The following DNM3 variants were observed in gnomAD, a reference collection of about 807,000 sequenced individuals.
DNM3 encodes dynamin-3.
In DNM3, 47 loss-of-function variants were observed where a neutral mutation model predicts 101.6. The observed-to-expected ratio is 0.46, with a 90% CI of 0.37 to 0.59. The LOEUF (loss-of-function observed/expected upper bound fraction) is 0.59, where lower values mean the gene tolerates loss of function less well. Among genes scored for constraint, DNM3 ranks in the 20% least tolerant of loss-of-function variants. The probability of loss-of-function intolerance (pLI) is 0.00; values close to 1 mark genes in which losing one functional copy is unlikely to be tolerated. For missense variants in DNM3, 849 were observed against 1,085.7 expected (o/e 0.78, Z 3.06); for synonymous variants, 385 against 387.9 (o/e 0.99, Z 0.09).
chr1:171,856,376 A>G (rs1436774121), intron 1 of DNM3, among the ~76,000 whole-genome samples: 1 of 152,114 alleles, frequency 6.6e-6, no homozygotes, highest in Admixed American at 6.6e-5. Flanking sequence ...GTTCCATTTG[A>G]ATTTTAAAAT....
intron 17 of DNM3, among the ~76,000 whole-genome samples, chr1:172,369,620 A>G (rs2068215636): frequency 6.6e-6 from 1 of 151,918 alleles, no homozygotes; most frequent in Non-Finnish European, 1.5e-5. Flanking sequence ...TCTAGCCAGT[A>G]CTATTTGGCA....
intron 14 of DNM3, among the ~76,000 whole-genome samples, chr1:172,228,570 T>C (rs763267718): frequency 1.3e-5 from 2 of 152,166 alleles, no homozygotes; most frequent in African/African-American, 2.4e-5. Context: ...TATTTGCAAC[T>C]GCCTGTTCTT....
At chr1:172,179,468 T>C (rs2059269568) in intron 14 of DNM3, among the ~76,000 whole-genome samples, 1 of 151,980 alleles carries the variant, frequency 6.6e-6, no homozygotes, top group Non-Finnish European at 1.5e-5. Context: ...GAAGTATTAT[T>C]CTACTAAAAT....
chr1:172,380,068 A>G (rs2068813762), intron 18 of DNM3, among the ~76,000 whole-genome samples: 2 of 152,088 alleles, frequency 1.3e-5, no homozygotes, highest in South Asian at 4.1e-4. Context: ...TTAGATGGCA[A>G]AGTACTAAAA....
At chr1:172,027,483 A>G (rs1185360114) in intron 4 of DNM3, among the ~76,000 whole-genome samples, 1 of 152,070 alleles carries the variant, frequency 6.6e-6, no homozygotes, top group African/African-American at 2.4e-5. Flanking sequence ...CAGGAGGCTC[A>G]GGCAGGAGAA....
chr1:172,261,480 A>G (rs2062644220), intron 15 of DNM3, among the ~76,000 whole-genome samples: 1 of 152,244 alleles, frequency 6.6e-6, no homozygotes, highest in Non-Finnish European at 1.5e-5. Flanking sequence ...CTATAACACT[A>G]GGTGGGCTAG....
rs548346481 is a variant in DNM3, at chr1:172,100,643, A to AT, written c.1545+7774dup. 1.6e-4 allele frequency among the ~76,000 whole-genome samples: 25 copies of AT among 152,150 alleles called. No individual in the cohort carries two copies. In the East Asian group the frequency reaches 3.5e-3, roughly 21 times the overall value. ...GGTACCGATATCTCTATCAGTTAGGATTTTTTCAGATGTAAATTTCAGAAA... is the reference window on the plus strand; with the variant it reads ...GGTACCGATATCTCTATCAGTTAGGATTTTTTTCAGATGTAAATTTCAGAAA... On this transcript the variant is annotated intron_variant, in intron 13 of 20. Transcript: ENST00000627582.
chr1:171,982,405 A>C (rs1457077436), intron 2 of DNM3, among the ~76,000 whole-genome samples: 4 of 152,208 alleles, frequency 2.6e-5, no homozygotes, highest in Non-Finnish European at 5.9e-5. Flanking sequence ...AAGACAGATT[A>C]CAGGTAGCCC....
intron 11 of DNM3, 46 bp downstream of exon 11, chr1:172,068,951 G>A (rs755903529): frequency 2.8e-5 from 43 of 1,517,756 alleles, no homozygotes; most frequent in East Asian, 2.5e-5. Context: ...GTGGGAGGTC[G>A]AAGGTCTCTG....
intron 2 of DNM3, among the ~76,000 whole-genome samples, chr1:171,931,113 C>T (rs974636741): frequency 1.3e-5 from 2 of 152,010 alleles, no homozygotes; most frequent in African/African-American, 4.8e-5. Flanking sequence ...AAATGAAAAA[C>T]TTATGCTATG....
intron 17 of DNM3, among the ~76,000 whole-genome samples, chr1:172,346,882 T>A (rs1014141231): frequency 1.6e-4 from 24 of 152,052 alleles, no homozygotes; most frequent in Non-Finnish European, 2.9e-4. Context: ...CATTCCAAGT[T>A]CCAAAGACTC....
chr1:172,389,119 G>C (rs2069373907), intron 20 of DNM3: 1 of 381,568 alleles, frequency 2.6e-6, no homozygotes. Flanking sequence ...AAGAGCTATG[G>C]AGGATTGTAG....
chr1:172,012,413 A>G (rs947601324), intron 4 of DNM3, among the ~76,000 whole-genome samples: 1 of 152,048 alleles, frequency 6.6e-6, no homozygotes, highest in Non-Finnish European at 1.5e-5. Context: ...TTGTAATTCA[A>G]TTGTAAGAAG....
chr1:172,191,250 A>C (rs1038188388), intron 14 of DNM3, among the ~76,000 whole-genome samples: 14 of 152,180 alleles, frequency 9.2e-5, no homozygotes, highest in South Asian at 2.1e-4. Context: ...GCCAGTTTTC[A>C]CAGCACCATT....
chr1:172,224,526 C>G (rs1206907458), intron 14 of DNM3, among the ~76,000 whole-genome samples: 1 of 151,600 alleles, frequency 6.6e-6, no homozygotes, highest in African/African-American at 2.4e-5. Context: ...GTAAATTGAC[C>G]CGAGGGAAGC....
chr1:172,383,410 T>A (rs2069021996), intron 18 of DNM3, among the ~76,000 whole-genome samples: 1 of 152,172 alleles, frequency 6.6e-6, no homozygotes, highest in Non-Finnish European at 1.5e-5. Context: ...ACTAAGCAGA[T>A]GTGAGAGAAT....
At chr1:172,372,667 G>A (rs957247719) in intron 17 of DNM3, among the ~76,000 whole-genome samples, 1 of 135,140 alleles carries the variant, frequency 7.4e-6, no homozygotes, top group Non-Finnish European at 1.6e-5. Flanking sequence ...ATGAAATCTT[G>A]TAATTAATTT....
At chr1:172,232,878 C>A (rs1025943874) in intron 14 of DNM3, among the ~76,000 whole-genome samples, 1 of 152,190 alleles carries the variant, frequency 6.6e-6, no homozygotes, top group African/African-American at 2.4e-5. Flanking sequence ...CTCTGGGACA[C>A]ATTTAAAGCA....
chr1:171,919,976 C>T (rs948466680), intron 1 of DNM3, among the ~76,000 whole-genome samples: 3 of 152,140 alleles, frequency 2.0e-5, no homozygotes, highest in African/African-American at 7.2e-5. Flanking sequence ...ATTTCAGTCG[C>T]ATTTTCAAAA....
Sources: gnomAD v4.1 joint callset for allele counts (sites outside exome capture counted in the v4.1 genomes callset) on GRCh38, gnomAD v4.1.1 for gene constraint, MANE v1.5 for transcripts, NCBI Gene and HGNC (gene_info 2026-07-23, HGNC 2026-07-21) for gene names.